Variants in PPP3CA observed in about 807,000 individuals in gnomAD.
PPP3CA encodes CAM-PRP catalytic subunit.
Under a neutral mutation model 66.5 loss-of-function variants are expected in PPP3CA, and 14 were observed. The observed-to-expected ratio is 0.21, with a 90% confidence interval of 0.14 to 0.33. The LOEUF (loss-of-function observed/expected upper bound fraction) is 0.33, where lower values mean the gene tolerates loss of function less well. PPP3CA is among the 10% of genes least tolerant of loss of function. The pLI, the probability that PPP3CA is intolerant of heterozygous loss-of-function variation, is 1.00. For missense variants in PPP3CA, 317 were observed against 639.5 expected (o/e 0.50, Z 5.44); for synonymous variants, 232 against 226.2 (o/e 1.03, Z -0.23).
intron 2 of PPP3CA, among the ~76,000 whole-genome samples, chr4:101,124,734 A>AGAAG (rs1722173476): frequency 1.7e-5 from 1 of 58,648 alleles, no homozygotes; most frequent in Non-Finnish European, 3.5e-5. Context: ...AGAGAAAGAA[A>AGAAG]GAAAGAAAGA....
At chr4:101,061,958 AT>A (rs957914290) in intron 9 of PPP3CA, among the ~76,000 whole-genome samples, 8 of 152,090 alleles carry the variant, frequency 5.3e-5, no homozygotes, top group Non-Finnish European at 1.0e-4. Flanking sequence ...ATTTAAAAAA[AT>A]GTCCTTCTAG....
In PPP3CA at chr4:101,341,527, G is replaced by A. The variant is rs75002388; in HGVS notation, c.58+5212C>T. Among the ~76,000 whole-genome samples the A allele has an allele frequency of 1.4e-3, 212 of 152,216 alleles. 1 individual carries two copies. Among genetic ancestry groups the A allele is most frequent in the African/African-American group, 5.0e-3 (208 of 41,526 alleles). The stretch of plus-strand genomic sequence containing the variant: ...CAGGTGACCAGAAAATACATAACAC[G>A]TGTCATTTCTAATTCTGTGTTAGCA... On this transcript the variant is annotated intron_variant, in intron 1 of 13. Coordinates refer to ENST00000394854, the MANE Select transcript of PPP3CA (RefSeq NM_000944.5).
intron 1 of PPP3CA, 131 bp from the exon 2 acceptor site, chr4:101,196,247 A>T: frequency 1.2e-6 from 1 of 813,556 alleles, no homozygotes; most frequent in African/African-American, 1.7e-5. Flanking sequence ...GAATTAAAAT[A>T]TGATCAAGGG....
At chr4:101,040,078 T>C (rs963604278) in intron 11 of PPP3CA, among the ~76,000 whole-genome samples, 4 of 152,212 alleles carry the variant, frequency 2.6e-5, no homozygotes, top group African/African-American at 9.6e-5. Context: ...TTATGGCTGA[T>C]GTTCATTTCC....
At chr4:101,233,193 C>T (rs561790237) in intron 1 of PPP3CA, among the ~76,000 whole-genome samples, 1 of 151,866 alleles carries the variant, frequency 6.6e-6, no homozygotes, top group South Asian at 2.1e-4. Context: ...TGTCTAGACA[C>T]ATGATTGGAA....
intron 11 of PPP3CA, among the ~76,000 whole-genome samples, chr4:101,034,906 T>C (rs1727171568): frequency 6.6e-6 from 1 of 152,222 alleles, no homozygotes; most frequent in Non-Finnish European, 1.5e-5. Context: ...ATTCAAAATA[T>C]GGCTTTTGCC....
At chr4:101,127,939 G>C (rs1722298507) in intron 2 of PPP3CA, among the ~76,000 whole-genome samples, 1 of 152,170 alleles carries the variant, frequency 6.6e-6, no homozygotes, top group Non-Finnish European at 1.5e-5. Flanking sequence ...AGCAGAGCTG[G>C]AATTCAAACC....
chr4:101,068,375 A>AT (rs1728771222), intron 8 of PPP3CA, among the ~76,000 whole-genome samples: 1 of 152,202 alleles, frequency 6.6e-6, no homozygotes, highest in African/African-American at 2.4e-5. Flanking sequence ...GAAAGGAGGC[A>AT]TAATGCCTTG....
At chr4:101,298,818 T>C (rs1188625877) in intron 1 of PPP3CA, among the ~76,000 whole-genome samples, 2 of 150,832 alleles carry the variant, frequency 1.3e-5, no homozygotes, top group African/African-American at 2.4e-5. Context: ...GTGCCCCAAG[T>C]CCCCAAATTG....
chr4:101,330,957 TGGG>T (rs10549066), intron 1 of PPP3CA, among the ~76,000 whole-genome samples: 15,608 of 152,108 alleles, frequency 0.1, 2,712 homozygotes, highest in African/African-American at 0.36. Flanking sequence ...CCCATTGTTG[TGGG>T]CCTCAACTAC....
chr4:101,161,962 G>A (rs915140091), intron 2 of PPP3CA, among the ~76,000 whole-genome samples: 6 of 152,156 alleles, frequency 3.9e-5, no homozygotes, highest in South Asian at 2.1e-4. Flanking sequence ...GAAATAGGCC[G>A]GGCGCGGTGA....
intron 2 of PPP3CA, among the ~76,000 whole-genome samples, chr4:101,174,204 T>C (rs1296865332): frequency 6.6e-6 from 1 of 152,178 alleles, no homozygotes; most frequent in African/African-American, 2.4e-5. Flanking sequence ...TAATATACTA[T>C]GGCTCTATTA....
Position 101,023,831 on chromosome 4 carries a change from A to AGT in PPP3CA, c.*2033_*2034insAC, listed in dbSNP as rs1234402763. 1.1e-4 allele frequency: 17 copies of AGT among 152,668 alleles called. No homozygotes were observed. The highest frequency in any genetic ancestry group is 1.9e-4 in the Non-Finnish European group (13 of 68,036). The allele number at this position is 152,668 out of a possible 1,614,324, so 9.5% of individuals were successfully genotyped here. A position where few individuals can be genotyped will look rare whatever the true frequency, so the allele number is the denominator to read the frequency against. On this transcript the variant is annotated 3_prime_UTR_variant, in exon 14 of 14. Coordinates refer to ENST00000394854, the MANE Select transcript of PPP3CA (RefSeq NM_000944.5). The stretch of plus-strand genomic sequence containing the variant: ...AAAACAAAGTGCACTAAAGATGAAC[A>AGT]ATGTTACAAACAAACTGAAATTTGG...
intron 2 of PPP3CA, among the ~76,000 whole-genome samples, chr4:101,123,684 C>A (rs561578011): frequency 2.9e-3 from 443 of 152,050 alleles, no homozygotes; most frequent in African/African-American, 8.0e-3. Context: ...TACAAAAAAA[C>A]CCCCCAAAAG....
chr4:101,173,375 GA>G (rs34969579), intron 2 of PPP3CA, among the ~76,000 whole-genome samples: 4,175 of 149,380 alleles, frequency 0.028, 205 homozygotes, highest in African/African-American at 0.096. Flanking sequence ...GAGTGCTAAG[GA>G]AAAAAAAAGA....
In PPP3CA at chr4:101,316,607, A is replaced by G. The variant is rs576665925; in HGVS notation, c.58+30132T>C. On this transcript the variant is annotated intron_variant, in intron 1 of 13. Transcript: ENST00000394854. Reference sequence around the variant, plus strand: ...GTTTAAAGGGATATTTATCATCTAAAATTATTCTTATATCCAAAAGTTATG... The same window carrying G: ...GTTTAAAGGGATATTTATCATCTAAGATTATTCTTATATCCAAAAGTTATG... Among the ~76,000 whole-genome samples the G allele has an allele frequency of 3.2e-3, 482 of 152,334 alleles. 2 individuals carry two copies. The highest frequency in any genetic ancestry group is 5.6e-3 in the Non-Finnish European group (380 of 68,022).
chr4:101,177,397 A>T (rs1724096207), intron 2 of PPP3CA, among the ~76,000 whole-genome samples: 1 of 152,172 alleles, frequency 6.6e-6, no homozygotes, highest in Admixed American at 6.5e-5. Flanking sequence ...AGACATTGTC[A>T]GAACTGGCAC....
chr4:101,316,480 C>T (rs892006458), intron 1 of PPP3CA, among the ~76,000 whole-genome samples: 1 of 152,022 alleles, frequency 6.6e-6, no homozygotes. Context: ...GTCAGACAAA[C>T]TCGGGTGGGA....
At chr4:101,071,952 T>C (rs1044321228) in intron 8 of PPP3CA, among the ~76,000 whole-genome samples, 1 of 152,214 alleles carries the variant, frequency 6.6e-6, no homozygotes, top group Non-Finnish European at 1.5e-5. Context: ...CAATATTAAA[T>C]TTTAATGGGA....
Sources: gnomAD v4.1 joint callset for allele counts (sites outside exome capture counted in the v4.1 genomes callset) on GRCh38, gnomAD v4.1.1 for gene constraint, MANE v1.5 for transcripts, NCBI Gene and HGNC (gene_info 2026-07-23, HGNC 2026-07-21) for gene names.